Variants in USP32 observed in about 807,000 individuals in gnomAD.
The protein encoded by USP32 is ubiquitin carboxyl-terminal hydrolase 32.
USP32 carries 59 observed loss-of-function variants against 204.8 expected under a neutral mutation model. That is an observed-to-expected ratio of 0.29 (90% CI 0.23 to 0.36). USP32 has a LOEUF of 0.36. Among genes scored for constraint, USP32 ranks in the 10% least tolerant of loss-of-function variants. The probability of loss-of-function intolerance (pLI) is 1.00; values close to 1 mark genes in which losing one functional copy is unlikely to be tolerated. For missense variants in USP32, 1,160 were observed against 1,946.4 expected (o/e 0.60, Z 7.60); for synonymous variants, 517 against 678.4 (o/e 0.76, Z 3.70).
exon 1 of USP32, chr17:60,422,262 C>G (rs1231218839): frequency 2.7e-6 from 1 of 370,302 alleles, no homozygotes; most frequent in East Asian, 8.1e-5. Flanking sequence ...GTGTCAGGAT[C>G]AGCATCTGAC....
At position 60,294,687 on chromosome 17, in the gene USP32, G is replaced by A; in HGVS notation, c.407C>T (p.Ser136Leu). The change falls in exon 4 of 34, where the codon TCA becomes TTA. Residue 136 changes from serine to leucine, a missense_variant. Ser to Leu is a moderately radical substitution (Grantham distance 145). This residue lies in a region of USP32 where 536 missense variants were observed against 680.9 expected (regional missense o/e 0.79). Coordinates refer to ENST00000300896, the MANE Select transcript of USP32 (RefSeq NM_032582.4). ...AATGTAAATCTTTAACTATACCTCT[G>A]AGAAACACTTCCTGAGTGTATCTGG... ...KVPDTLRKCF[S>L]EGEKVNYEKF... 6.3e-7 allele frequency: 1 copy of A among 1,591,854 alleles called. No individual in the cohort carries two copies. The highest frequency in any genetic ancestry group is 8.6e-7 in the Non-Finnish European group (1 of 1,163,916).
chr17:60,245,914 GTA>G (rs1336331837), intron 11 of USP32, among the ~76,000 whole-genome samples: 3 of 150,062 alleles, frequency 2.0e-5, no homozygotes, highest in Non-Finnish European at 3.0e-5. Flanking sequence ...TATAATAATA[GTA>G]TATGTTTTTG....
intron 2 of USP32, among the ~76,000 whole-genome samples, chr17:60,317,394 T>C (rs1190081172): frequency 6.7e-6 from 1 of 148,786 alleles, no homozygotes; most frequent in Admixed American, 6.8e-5. Flanking sequence ...TGCATGCCTG[T>C]AGTACCAGCG....
intron 9 of USP32, among the ~76,000 whole-genome samples, chr17:60,257,368 G>T (rs1355473338): frequency 6.6e-6 from 1 of 152,174 alleles, no homozygotes; most frequent in Non-Finnish European, 1.5e-5. Context: ...CACACAGTGG[G>T]AATTAGCAAG....
intron 1 of USP32, among the ~76,000 whole-genome samples, chr17:60,398,360 A>C (rs1462521437): frequency 1.3e-5 from 2 of 152,068 alleles, no homozygotes; most frequent in Non-Finnish European, 2.9e-5. Context: ...GCGTCACTGC[A>C]CTCAAGCCTG....
intron 9 of USP32, among the ~76,000 whole-genome samples, chr17:60,256,325 C>A (rs181612868): frequency 7.9e-5 from 12 of 152,060 alleles, no homozygotes; most frequent in African/African-American, 2.7e-4. Flanking sequence ...GTAGGCAAAT[C>A]ACTAGATTAT....
chr17:60,355,830 CAA>C (rs1194639113), intron 1 of USP32, among the ~76,000 whole-genome samples: 7 of 22,650 alleles, frequency 3.1e-4, no homozygotes, highest in Admixed American at 6.3e-4. Flanking sequence ...CTCACTCTCT[CAA>C]AAAAAAAAAA....
At chr17:60,339,698 T>A (rs1156577860) in intron 2 of USP32, among the ~76,000 whole-genome samples, 1 of 152,116 alleles carries the variant, frequency 6.6e-6, no homozygotes, top group Non-Finnish European at 1.5e-5. Flanking sequence ...TGGAGCTCCA[T>A]TAATCCTAGA....
At chr17:60,203,503 T>C (rs1282498202) in intron 26 of USP32, among the ~76,000 whole-genome samples, 1 of 152,138 alleles carries the variant, frequency 6.6e-6, no homozygotes, top group Non-Finnish European at 1.5e-5. Flanking sequence ...AGTACCTTTT[T>C]TACAATTTCG....
At chr17:60,391,842 G>A in intron 1 of USP32, 40 bp downstream of exon 1, 1 of 1,569,434 alleles carries the variant, frequency 6.4e-7, no homozygotes, top group Non-Finnish European at 8.7e-7. Context: ...TGCCCGTCGC[G>A]GGCCTCCCAG....
At chr17:60,187,021 G>A (rs1439096542) in intron 29 of USP32, among the ~76,000 whole-genome samples, 1 of 152,142 alleles carries the variant, frequency 6.6e-6, no homozygotes, top group Non-Finnish European at 1.5e-5. Flanking sequence ...TGTGGCAAAC[G>A]TCACATATGT....
intron 12 of USP32, among the ~76,000 whole-genome samples, chr17:60,232,476 A>ATTTTTTTTTTTTTTTTTTTTTTTTTT (rs764051983): frequency 8.3e-6 from 1 of 120,374 alleles, no homozygotes; most frequent in East Asian, 2.2e-4. Flanking sequence ...CCTGGCCCAA[A>ATTTTTTTTTTTTTTTTTTTTTTTTTT]TTTTTTTTTT....
chr17:60,209,283 T>C (rs1247957266), intron 22 of USP32, 87 bp downstream of exon 22: 7 of 653,400 alleles, frequency 1.1e-5, no homozygotes, highest in Non-Finnish European at 1.6e-5. Flanking sequence ...CTCAGAATAG[T>C]TGAGTTTGCA....
At chr17:60,421,562 G>A in intron 1 of USP32, 6 of 985,486 alleles carry the variant, frequency 6.1e-6, no homozygotes, top group Non-Finnish European at 7.2e-6. Flanking sequence ...CTAGTTTCAG[G>A]GAAGAAAAGG....
At chr17:60,364,678 C>A (rs2089279489) in intron 1 of USP32, among the ~76,000 whole-genome samples, 1 of 152,124 alleles carries the variant, frequency 6.6e-6, no homozygotes, top group South Asian at 2.1e-4. Context: ...ACTCAGCAGC[C>A]CAAGCCAATC....
At chr17:60,421,452 C>T (rs1261171514) in intron 1 of USP32, 3 of 985,602 alleles carry the variant, frequency 3.0e-6, no homozygotes, top group African/African-American at 3.5e-5. Context: ...GCGGTCCCAC[C>T]GCACTGTCGC....
At chr17:60,210,930 G>C (rs2084948300) in intron 21 of USP32, 83 bp downstream of exon 21, 29 of 1,493,764 alleles carry the variant, frequency 1.9e-5, no homozygotes, top group Non-Finnish European at 2.6e-5. Context: ...AAGTTAAAAG[G>C]CTAAACACAA....
intron 4 of USP32, among the ~76,000 whole-genome samples, chr17:60,290,342 G>A (rs1354980827): frequency 6.6e-6 from 1 of 152,116 alleles, no homozygotes; most frequent in African/African-American, 2.4e-5. Flanking sequence ...CTTCATGTAT[G>A]CCCTATACAT....
chr17:60,245,342 G>T, intron 11 of USP32: 1 of 374,798 alleles, frequency 2.7e-6, no homozygotes, highest in Non-Finnish European at 5.2e-6. Flanking sequence ...ATGGCCAGCT[G>T]GGCTGCTCTT....
Sources: allele counts gnomAD v4.1 joint callset (sites outside exome capture counted in the v4.1 genomes callset), GRCh38; gene constraint gnomAD v4.1.1; regional missense constraint gnomAD v4.1.1; transcripts MANE v1.5; gene names NCBI Gene and HGNC (gene_info 2026-07-23, HGNC 2026-07-21).